COL28A1: variants seen among roughly 807,000 people sequenced by gnomAD.
COL28A1 encodes the protein collagen type XXVIII alpha 1 chain, also known as collagen alpha-1(XXVIII) chain.
In COL28A1, 161 loss-of-function variants were observed where a neutral mutation model predicts 150.2. That is an observed-to-expected ratio of 1.07 (90% CI 0.94 to 1.22). The LOEUF (loss-of-function observed/expected upper bound fraction) is 1.22. Ranked by LOEUF, COL28A1 falls within the 50% of genes most tolerant of loss-of-function variation. The pLI is 0.00. For synonymous variants in COL28A1, 552 were observed against 469.7 expected (o/e 1.18, Z -2.26); for missense variants, 1,617 against 1,388.3 (o/e 1.16, Z -2.62).
At chr7:7,490,732 A>G (rs1417815118) in intron 11 of COL28A1, 86 bp from the exon 12 acceptor site, 24 of 659,816 alleles carry the variant, frequency 3.6e-5, no homozygotes, top group East Asian at 1.7e-4. Flanking sequence ...TGGTTTTGCA[A>G]TAGGGGCTTT....
intron 30 of COL28A1, among the ~76,000 whole-genome samples, chr7:7,376,504 C>T (rs189719569): frequency 1.6e-3 from 240 of 152,116 alleles, no homozygotes; most frequent in Admixed American, 3.1e-3. Flanking sequence ...TACTGCAGTG[C>T]TGAGTTATAT....
chr7:7,391,050 G>T (rs1426835902), intron 27 of COL28A1, among the ~76,000 whole-genome samples: 1 of 152,060 alleles, frequency 6.6e-6, no homozygotes. Flanking sequence ...TGTTTCTCTA[G>T]TTCTTTAGTT....
intron 33 of COL28A1, among the ~76,000 whole-genome samples, chr7:7,362,652 G>T (rs1249073782): frequency 1.3e-5 from 2 of 152,058 alleles, no homozygotes; most frequent in Non-Finnish European, 2.9e-5. Context: ...TATATAAAGG[G>T]CACACAATTC....
chr7:7,517,677 A>G (rs1781491785), intron 7 of COL28A1, 119 bp downstream of exon 7: 3 of 1,444,712 alleles, frequency 2.1e-6, no homozygotes, highest in African/African-American at 1.4e-5. Context: ...TGAGCCATCA[A>G]GAGCACAAGG....
chr7:7,348,224 G>C, the COL28A1 span, among the ~76,000 whole-genome samples: 1 of 151,976 alleles, frequency 6.6e-6, no homozygotes, highest in Non-Finnish European at 1.5e-5. Flanking sequence ...AGTTCAGAAG[G>C]ACTTGCAAGT....
At chr7:7,538,319 C>T (rs146602619), upstream of COL28A1, among the ~76,000 whole-genome samples, 17 of 152,198 alleles carry the variant, frequency 1.1e-4, no homozygotes, top group East Asian at 2.3e-3. Flanking sequence ...AAAAAGGCAA[C>T]GTGGAGCCCA....
chr7:7,430,532 G>A (rs534710716), intron 25 of COL28A1, among the ~76,000 whole-genome samples: 12 of 152,106 alleles, frequency 7.9e-5, no homozygotes, highest in Non-Finnish European at 1.3e-4. Flanking sequence ...ATCATGTCTA[G>A]TTATATAAAA....
intron 9 of COL28A1, among the ~76,000 whole-genome samples, chr7:7,509,130 A>G (rs540974834): frequency 6.6e-6 from 1 of 151,690 alleles, no homozygotes; most frequent in African/African-American, 2.4e-5. Flanking sequence ...CACCACGCCC[A>G]GCCTATTTTG....
At chr7:7,511,748 T>C in intron 8 of COL28A1, 1 of 471,040 alleles carries the variant, frequency 2.1e-6, no homozygotes, top group Non-Finnish European at 4.4e-6. Flanking sequence ...CCATGATGAG[T>C]TAGCGAGGAC....
chr7:7,351,006 A>G, the COL28A1 span, among the ~76,000 whole-genome samples: 1 of 152,102 alleles, frequency 6.6e-6, no homozygotes, highest in Non-Finnish European at 1.5e-5. Flanking sequence ...ACAAGTCTCA[A>G]TTTACTTATT....
chr7:7,488,381 T>C (rs1779739977), intron 13 of COL28A1, among the ~76,000 whole-genome samples: 1 of 152,196 alleles, frequency 6.6e-6, no homozygotes, highest in African/African-American at 2.4e-5. Context: ...AGTAAGGAAG[T>C]GTATGTTTCT....
upstream of COL28A1, among the ~76,000 whole-genome samples, chr7:7,536,679 T>G (rs999950016): frequency 9.9e-5 from 15 of 152,202 alleles, no homozygotes; most frequent in African/African-American, 3.4e-4. Flanking sequence ...AAATAGAGAA[T>G]AGCAAGATCA....
chr7:7,452,468 T>C, intron 17 of COL28A1, 81 bp from the exon 18 acceptor site: 1 of 1,502,812 alleles, frequency 6.7e-7, no homozygotes, highest in South Asian at 1.3e-5. Flanking sequence ...CTGTCTTATA[T>C]CAACAAAGTA....
the COL28A1 span, among the ~76,000 whole-genome samples, chr7:7,347,933 G>A: frequency 6.6e-6 from 1 of 151,950 alleles, no homozygotes. Flanking sequence ...TGGGGGAGGG[G>A]GGTAATATTT....
rs767184617 is a variant in COL28A1 at position 7,473,718 on chromosome 7, G to A, written c.1302+883C>T. Among the ~76,000 whole-genome samples the A allele has an allele frequency of 4.6e-5, 7 of 152,000 alleles. 1 individual carries two copies. Among genetic ancestry groups the A allele is most frequent in the African/African-American group, 1.2e-4 (5 of 41,412 alleles). ...CCCAGAGGAAAAGTCGTCATTATAC[G>A]AAAAAGATACTTGCACATACCTGTT... On this transcript the variant is annotated intron_variant, in intron 15 of 34. Coordinates refer to ENST00000399429, the MANE Select transcript of COL28A1 (RefSeq NM_001037763.3).
chr7:7,483,473 G>C (rs191320381), intron 13 of COL28A1, among the ~76,000 whole-genome samples: 1 of 152,160 alleles, frequency 6.6e-6, no homozygotes, highest in Non-Finnish European at 1.5e-5. Flanking sequence ...CCATGGTCCT[G>C]TGCTGTGTAT....
chr7:7,459,736 G>C (rs1306536894), intron 15 of COL28A1, among the ~76,000 whole-genome samples: 2 of 152,178 alleles, frequency 1.3e-5, no homozygotes, highest in African/African-American at 4.8e-5. Flanking sequence ...AAAGAGAAAA[G>C]CAATCCCTAA....
intron 25 of COL28A1, among the ~76,000 whole-genome samples, chr7:7,425,248 C>G (rs1017313415): frequency 3.3e-5 from 5 of 152,114 alleles, no homozygotes; most frequent in Non-Finnish European, 7.3e-5. Context: ...AATTCAAACC[C>G]AGGTATGACT....
upstream of COL28A1, among the ~76,000 whole-genome samples, chr7:7,536,157 A>G (rs1201716632): frequency 1.3e-5 from 2 of 152,058 alleles, no homozygotes. Context: ...GCTCTAAGAT[A>G]CTGGTTCTGA....
Sources: allele counts gnomAD v4.1 joint callset (sites outside exome capture counted in the v4.1 genomes callset), GRCh38; gene constraint gnomAD v4.1.1; transcripts MANE v1.5; gene names NCBI Gene and HGNC (gene_info 2026-07-23, HGNC 2026-07-21).